The following SANBR variants were observed in gnomAD, a reference collection of about 807,000 sequenced individuals.
The protein encoded by SANBR is SANT and BTB domain regulator of CSR.
A neutral mutation model predicts 101.8 loss-of-function variants in SANBR; 77 were observed. The observed-to-expected ratio is 0.76, with a 90% CI of 0.63 to 0.91. The LOEUF is 0.91. Among genes scored for constraint, SANBR ranks in the 40% least tolerant of loss-of-function variants. The probability of loss-of-function intolerance (pLI) is 0.00; values close to 1 mark genes in which losing one functional copy is unlikely to be tolerated. For missense variants in SANBR, 875 were observed against 853.0 expected, an observed-to-expected ratio of 1.03 and a Z score of -0.32; for synonymous variants, 279 against 274.7, an observed-to-expected ratio of 1.02 and a Z score of -0.15.
intron 10 of SANBR, among the ~76,000 whole-genome samples, chr2:61,091,605 A>G (rs958081282): frequency 6.1e-5 from 7 of 114,088 alleles, no homozygotes; most frequent in Non-Finnish European, 1.2e-4. Flanking sequence ...AAAAAAAAAA[A>G]AAAAATTAGC....
At chr2:61,092,655 G>A in intron 11 of SANBR, 68 bp downstream of exon 11, 1 of 1,224,722 alleles carries the variant, frequency 8.2e-7, no homozygotes, top group Non-Finnish European at 1.1e-6. Context: ...GATATCTGCT[G>A]TTTAATTGAT....
chr2:61,122,218 T>G lies in SANBR; in HGVS notation c.*56T>G, dbSNP rs1419722532. The G allele has an allele frequency of 6.6e-7, 1 of 1,510,942 alleles. No individual in the cohort carries two copies. Among genetic ancestry groups the G allele is most frequent in the Non-Finnish European group, 8.9e-7 (1 of 1,128,372 alleles). The allele number at this position is 1,510,942 out of a possible 1,614,324, so 93.6% of individuals were successfully genotyped here. Reference sequence around the variant, plus strand: ...AGGCACTCTTCTGGACATCTGAAATTGCTCACTTCTTGAAGATCTTCAGAA... The same window carrying G: ...AGGCACTCTTCTGGACATCTGAAATGGCTCACTTCTTGAAGATCTTCAGAA... On this transcript the variant is annotated 3_prime_UTR_variant, in exon 22 of 22. Transcript: ENST00000402291.
At chr2:61,112,153 C>T (rs189215785) in intron 16 of SANBR, among the ~76,000 whole-genome samples, 1 of 152,182 alleles carries the variant, frequency 6.6e-6, no homozygotes, top group Non-Finnish European at 1.5e-5. Context: ...CGTTTTGCAT[C>T]TCTACAAGCA....
chr2:61,096,472 C>T (rs1185815556), intron 11 of SANBR, among the ~76,000 whole-genome samples: 1 of 152,218 alleles, frequency 6.6e-6, no homozygotes, highest in African/African-American at 2.4e-5. Flanking sequence ...GGCACAACCT[C>T]TGTCTACCCA....
chr2:61,136,258 C>T (rs1325356808), intron 21 of SANBR, among the ~76,000 whole-genome samples: 2 of 145,018 alleles, frequency 1.4e-5, no homozygotes, highest in African/African-American at 2.6e-5. Flanking sequence ...GAGCCAAGAT[C>T]GCACCACTGT....
At position 61,121,200 on chromosome 2, in the gene SANBR, T is replaced by A; in HGVS notation, c.2044T>A (p.Tyr682Asn). The change falls in exon 21 of 22, where the codon TAT becomes AAT. Residue 682 changes from tyrosine (Y) to asparagine (N), a missense_variant. Tyr to Asn is a moderately radical substitution (Grantham distance 143). Coordinates refer to ENST00000402291, the MANE Select transcript of SANBR (RefSeq NM_001129993.3). ...TATTCTGCAGTTTGCAGGAGGTATT[T>A]ATTCCAGGCTGGAAGCACAAATCAA... is the stretch of plus-strand genomic sequence containing the variant. Reference protein sequence around the residue: ...KEAKEFAGGIYSRLEAQIKAS... With the variant: ...KEAKEFAGGINSRLEAQIKAS... The A allele has an allele frequency of 6.4e-7, 1 of 1,551,068 alleles. No individual in the cohort carries two copies. The highest frequency in any genetic ancestry group is 8.7e-7 in the Non-Finnish European group (1 of 1,146,448).
In SANBR at chr2:61,122,381, A is replaced by C. The variant is rs1684368262; in HGVS notation, c.*219A>C. 2.4e-6 allele frequency: 3 copies of C among 1,235,930 alleles called. No homozygotes were observed. Among genetic ancestry groups the C allele is most frequent in the African/African-American group, 1.5e-5 (1 of 64,960 alleles). 76.6% of individuals were successfully genotyped at this position (1,235,930 alleles called of 1,614,324 possible). ...TTAAATCTGATTTTCTTCTAATATC[A>C]TTCTAGGCTATGTAGAAAGCAATTA... On this transcript the variant is annotated 3_prime_UTR_variant, in exon 22 of 22. Transcript: ENST00000402291.
chr2:61,100,703 G>T (rs932973037), intron 12 of SANBR, among the ~76,000 whole-genome samples: 2 of 152,152 alleles, frequency 1.3e-5, no homozygotes, highest in African/African-American at 4.8e-5. Flanking sequence ...GAATAAGGGG[G>T]AAGACAGAAG....
intron 10 of SANBR, 148 bp from the exon 11 acceptor site, chr2:61,092,316 G>C (rs1682801845): frequency 2.3e-6 from 1 of 428,994 alleles, no homozygotes; most frequent in Non-Finnish European, 3.8e-6. Context: ...TCCTGGAGGT[G>C]GTGGTTACAG....
chr2:61,092,314 G>T, intron 10 of SANBR, 150 bp from the exon 11 acceptor site: 1 of 421,976 alleles, frequency 2.4e-6, no homozygotes, highest in South Asian at 7.5e-5. Context: ...CATCCTGGAG[G>T]TGGTGGTTAC....
intron 2 of SANBR, among the ~76,000 whole-genome samples, chr2:61,069,309 C>A (rs1419638591): frequency 1.3e-5 from 2 of 152,138 alleles, no homozygotes; most frequent in Non-Finnish European, 2.9e-5. Flanking sequence ...AAAATAATCC[C>A]TTTATTTCTT....
At chr2:61,131,757 T>G (rs935934206) in intron 20 of SANBR, among the ~76,000 whole-genome samples, 1 of 152,154 alleles carries the variant, frequency 6.6e-6, no homozygotes, top group South Asian at 2.1e-4. Flanking sequence ...GACAACAAAG[T>G]TAGAAGATTT....
At chr2:61,114,328 A>C (rs1024296304) in intron 16 of SANBR, among the ~76,000 whole-genome samples, 25 of 152,198 alleles carry the variant, frequency 1.6e-4, no homozygotes, top group African/African-American at 5.8e-4. Context: ...TGCCACTAGA[A>C]TGTAATTACC....
chr2:61,080,474 G>A (rs887064732), intron 6 of SANBR, among the ~76,000 whole-genome samples: 1 of 152,154 alleles, frequency 6.6e-6, no homozygotes, highest in African/African-American at 2.4e-5. Flanking sequence ...TGTAATCCCA[G>A]CACTTTGGGA....
chr2:61,073,570 G>C lies in SANBR; in HGVS notation c.431+19G>C. ...CTGAAGGGTAGGCGGCTGGTTGTTT[G>C]CTAGATAAGATTAAATATTAATATC... On this transcript the variant is annotated intron_variant, in intron 5 of 21. Coordinates refer to ENST00000402291, the MANE Select transcript of SANBR (RefSeq NM_001129993.3). 7.2e-7 allele frequency: 1 copy of C among 1,384,308 alleles called. No homozygotes were observed. Among genetic ancestry groups the C allele is most frequent in the Non-Finnish European group, 1.0e-6 (1 of 989,452 alleles). The allele number at this position is 1,384,308 out of a possible 1,614,324, so 85.8% of individuals were successfully genotyped here. A position where few individuals can be genotyped will look rare whatever the true frequency, so the allele number is the denominator to read the frequency against.
chr2:61,120,230 C>T (rs1372100473), intron 20 of SANBR, among the ~76,000 whole-genome samples: 8 of 152,114 alleles, frequency 5.3e-5, no homozygotes, highest in African/African-American at 1.9e-4. Flanking sequence ...GGACCGGGTG[C>T]AGTGGCTCAC....
At chr2:61,098,594 C>T (rs1683145090) in intron 12 of SANBR, among the ~76,000 whole-genome samples, 1 of 152,162 alleles carries the variant, frequency 6.6e-6, no homozygotes, top group African/African-American at 2.4e-5. Flanking sequence ...GGTTTCTAGA[C>T]TGATGGTATT....
chr2:61,101,549 C>T (rs557462115), intron 12 of SANBR, among the ~76,000 whole-genome samples: 23 of 151,034 alleles, frequency 1.5e-4, no homozygotes, highest in African/African-American at 4.4e-4. Context: ...CTGGCTAACA[C>T]GCTGAAACGC....
In SANBR at chr2:61,106,663, G is replaced by C; in HGVS notation, c.1611+1G>C. 1.3e-6 allele frequency: 2 copies of C among 1,533,518 alleles called. No individual in the cohort carries two copies. Among genetic ancestry groups the C allele is most frequent in the Non-Finnish European group, 1.8e-6 (2 of 1,134,006 alleles). 95.0% of individuals were successfully genotyped at this position (1,533,518 alleles called of 1,614,324 possible). On this transcript the variant is annotated splice_donor_variant, in intron 14 of 21. Transcript: ENST00000402291. LOFTEE classifies it high-confidence loss of function. ...TCCCAAAACTGGGGAGCTCAATGCT[G>C]TGAGTAGTTTTTTTTCACTTATTCT... is the stretch of plus-strand genomic sequence containing the variant.
Sources: allele counts gnomAD v4.1 joint callset (sites outside exome capture counted in the v4.1 genomes callset), GRCh38; gene constraint gnomAD v4.1.1; transcripts MANE v1.5; gene names NCBI Gene and HGNC (gene_info 2026-07-23, HGNC 2026-07-21).